Variants in BOD1L1 observed in about 807,000 individuals in gnomAD.
BOD1L1 encodes the protein biorientation of chromosomes in cell division 1 like 1, also known as biorientation of chromosomes in cell division protein 1-like 1.
Under a neutral mutation model 240.7 loss-of-function variants are expected in BOD1L1, and 86 were observed. That is an observed-to-expected ratio of 0.36 (90% confidence interval 0.30 to 0.43). The LOEUF (loss-of-function observed/expected upper bound fraction) is 0.43. Ranked by LOEUF, BOD1L1 falls within the 20% of genes least tolerant of loss-of-function variation. The pLI is 1.00. For synonymous variants in BOD1L1, 1,268 were observed against 1,272.3 expected, an observed-to-expected ratio of 1.00 and a Z score of 0.07; for missense variants, 3,554 against 3,643.5, an observed-to-expected ratio of 0.98 and a Z score of 0.63.
chr4:13,621,028 C>T (rs1310017870), intron 1 of BOD1L1, among the ~76,000 whole-genome samples: 1 of 152,160 alleles, frequency 6.6e-6, no homozygotes, highest in African/African-American at 2.4e-5. Context: ...TCCTACAATG[C>T]ATAGGACAAT....
intron 25 of BOD1L1, among the ~76,000 whole-genome samples, chr4:13,576,291 G>C (rs1712731540): frequency 2.0e-5 from 3 of 152,098 alleles, no homozygotes; most frequent in Admixed American, 2.0e-4. Flanking sequence ...TCTGACCGTG[G>C]TACTCTTTTT....
chr4:13,612,963 T>C (rs1170045151), intron 5 of BOD1L1, among the ~76,000 whole-genome samples: 3 of 152,164 alleles, frequency 2.0e-5, no homozygotes, highest in Admixed American at 2.0e-4. Flanking sequence ...GAGGAAGTAA[T>C]TCAAGGGGGA....
At chr4:13,612,279 T>C (rs928150651) in intron 5 of BOD1L1, among the ~76,000 whole-genome samples, 38 of 152,374 alleles carry the variant, frequency 2.5e-4, no homozygotes, top group African/African-American at 8.7e-4. Context: ...ATCCGAAAGC[T>C]GGCAACAAAT....
rs759106424 is a variant in BOD1L1 at position 13,582,674 on chromosome 4, G to T, written c.8496C>A (p.Thr2832=). 1.9e-6 allele frequency: 3 copies of T among 1,612,280 alleles called. No homozygotes were observed. The highest frequency in any genetic ancestry group is 3.3e-5 in the Admixed American group (2 of 59,974). Residue 2832 remains threonine, a synonymous_variant, in exon 18 of 26, where the codon ACC becomes ACA. Coordinates refer to ENST00000040738, the MANE Select transcript of BOD1L1 (RefSeq NM_148894.3). ...CACCTTTTTCTTCCATGACCCTTGA[G>T]GTAGTGCTATTTGTCTCAGAACTGG... ...PKTSSETNST[T]SRVMEEKDEY...
intron 25 of BOD1L1, among the ~76,000 whole-genome samples, chr4:13,574,394 G>C (rs1184156035): frequency 6.6e-6 from 1 of 152,132 alleles, no homozygotes; most frequent in Non-Finnish European, 1.5e-5. Context: ...AAACTAGAGA[G>C]AAAACAACTC....
At chr4:13,573,458 A>T (rs1420907051) in intron 25 of BOD1L1, among the ~76,000 whole-genome samples, 2 of 120,460 alleles carry the variant, frequency 1.7e-5, no homozygotes, top group African/African-American at 5.5e-5. Flanking sequence ...CTATCTATCT[A>T]TCTATCTATC....
chr4:13,587,767 T>C lies in BOD1L1; in HGVS notation c.8285A>G (p.Glu2762Gly), dbSNP rs773913832. ...HSVEADPKEV[E>G]EEERHMPKRK... is the part of the protein sequence containing the mutation. ...TTTAGGCATATGCCTTTCTTCCTCT[T>C]CAACCTGGAATTAAGAATGACTATA... The change falls in exon 16 of 26, where the codon GAA becomes GGA. Residue 2762 changes from glutamate (E) to glycine (G), a missense_variant. Physicochemically the swap from Glu to Gly is moderately conservative, Grantham distance 98 (BLOSUM62 -2). Coordinates refer to ENST00000040738, the MANE Select transcript of BOD1L1 (RefSeq NM_148894.3). The C allele has an allele frequency of 1.3e-6, 2 of 1,552,384 alleles. No individual in the cohort carries two copies. Among genetic ancestry groups the C allele is most frequent in the South Asian group, 1.2e-5 (1 of 84,354 alleles).
Position 13,591,957 on chromosome 4 carries a change from T to C in BOD1L1, c.8114A>G (p.Gln2705Arg). 5 of 1,559,776 alleles carry C rather than the reference T, an allele frequency of 3.2e-6. No homozygotes were observed. The highest frequency in any genetic ancestry group is 4.3e-6 in the Non-Finnish European group (5 of 1,151,372). The change falls in exon 13 of 26, where the codon CAG (glutamine) becomes CGG (arginine). Residue 2705 changes from glutamine (Q) to arginine (R), a missense_variant. Gln to Arg is a conservative substitution (Grantham distance 43, BLOSUM62 1). Coordinates refer to ENST00000040738, the MANE Select transcript of BOD1L1 (RefSeq NM_148894.3). The stretch of plus-strand genomic sequence containing the variant: ...TTCATTCACCAACAAAGGCTCCCTC[T>C]GGAGTTCAGCTGTTCAAAAATAAAA... ...GGKPSGIAELQREPLLVNESL... is the reference protein window; with the variant it reads ...GGKPSGIAELRREPLLVNESL...
chr4:13,585,591 A>G (rs1055943471), intron 17 of BOD1L1, among the ~76,000 whole-genome samples: 7 of 152,162 alleles, frequency 4.6e-5, no homozygotes, highest in Admixed American at 6.5e-5. Flanking sequence ...ATAGGAAAAA[A>G]GGCAATGGGT....
At position 13,595,922 on chromosome 4, in the gene BOD1L1, T is replaced by C. The variant is rs748549642; in HGVS notation, c.8042A>G (p.Glu2681Gly). Reference sequence around the variant, plus strand: ...TGGTGCCAGAATTTCACCATTTTTCTCTTCCTCTGAAGGCACATAAGCCTA... The same window carrying C: ...TGGTGCCAGAATTTCACCATTTTTCCCTTCCTCTGAAGGCACATAAGCCTA... ...KMEAYVPSEE[E>G]KNGEILAPPE... The change falls in exon 12 of 26, where the codon GAG becomes GGG. Residue 2681 changes from glutamate (E) to glycine (G), a missense_variant. Glu to Gly is a moderately conservative substitution (Grantham distance 98, BLOSUM62 -2). Transcript: ENST00000040738. The C allele has an allele frequency of 5.0e-6, 8 of 1,613,706 alleles. No homozygotes were observed. The highest frequency in any genetic ancestry group is 6.8e-6 in the Non-Finnish European group (8 of 1,179,846).
Position 13,602,203 on chromosome 4 carries a change from C to T in BOD1L1, c.4697G>A (p.Gly1566Glu), listed in dbSNP as rs142789702. ...AAGAGGATTATTTCTGGAATGTGTT[C>T]CTATTATGAGGCCTTCATCTGCCTC... is the stretch of plus-strand genomic sequence containing the variant. ...SIEADEGLII[G>E]THSRNNPLHV... Residue 1566 changes from glycine to glutamate, a missense_variant, in exon 10 of 26, where the codon GGA (glycine) becomes GAA (glutamate). By Grantham distance (98) the Gly-to-Glu change is moderately conservative. Around this residue, in one of 2 missense-constraint regions of BOD1L1, gnomAD observed 3,393 missense variants for 3,427.1 expected, o/e 0.99. Coordinates refer to ENST00000040738, the MANE Select transcript of BOD1L1 (RefSeq NM_148894.3). 873 of 1,613,644 alleles carry T rather than the reference C, an allele frequency of 5.4e-4. 7 individuals are homozygous for T. The Middle Eastern group carries it at 0.021, about 39-fold the overall frequency.
Position 13,608,551 on chromosome 4 carries a change from T to C in BOD1L1, c.1721A>G (p.Lys574Arg), listed in dbSNP as rs1241279669. 5 of 1,539,924 alleles carry C rather than the reference T, an allele frequency of 3.2e-6. No homozygotes were observed. The highest frequency in any genetic ancestry group is 4.5e-5 in the Admixed American group (2 of 44,544). ...GTACCTTGAATCTTTTTTTCTCTTT[T>C]TGCTTAAGGCTACTTTTTTTTCTAA... ...KVLEKKVALSKKRKKDSRNVE... is the reference protein window; with the variant it reads ...KVLEKKVALSRKRKKDSRNVE... The change falls in exon 8 of 26, where the codon AAA becomes AGA. Residue 574 changes from lysine to arginine, a missense_variant. By Grantham distance (26) the Lys-to-Arg change is conservative. This residue lies in a region of BOD1L1 where 3,393 missense variants were observed against 3,427.1 expected (regional missense o/e 0.99). Coordinates refer to ENST00000040738, the MANE Select transcript of BOD1L1 (RefSeq NM_148894.3).
Position 13,604,750 on chromosome 4 carries a change from A to C in BOD1L1, c.2150T>G (p.Leu717Arg). The change falls in exon 10 of 26, where the codon CTT (leucine) becomes CGT (arginine). Residue 717 changes from leucine to arginine, a missense_variant. Leu to Arg is a moderately radical substitution (Grantham distance 102). Around this residue, in one of 2 missense-constraint regions of BOD1L1, gnomAD observed 3,393 missense variants for 3,427.1 expected, o/e 0.99. Coordinates refer to ENST00000040738, the MANE Select transcript of BOD1L1 (RefSeq NM_148894.3). Reference sequence around the variant, plus strand: ...CTTGGAGGATTTCACCTCTTTCTTAAGTAGGCTTTTCAAATGTGGTGTTTC... The same window carrying C: ...CTTGGAGGATTTCACCTCTTTCTTACGTAGGCTTTTCAAATGTGGTGTTTC... ...DSETPHLKSL[L>R]KKEVKSSKEK... 1 of 1,612,914 alleles carries C rather than the reference A, an allele frequency of 6.2e-7. No individual in the cohort carries two copies.
Position 13,615,406 on chromosome 4 carries a change from C to T in BOD1L1, c.465G>A (p.Val155=), listed in dbSNP as rs564893047. 10 of 1,613,844 alleles carry T rather than the reference C, an allele frequency of 6.2e-6. No individual in the cohort carries two copies. The African/African-American group carries it at 1.2e-4, about 19-fold the overall frequency. The part of the protein sequence containing the change: ...HTFRPQVEKA[V]HEFLATLNHK... ...GATTTAGCGTGGCCAAAAACTCATG[C>T]ACAGCTTTCTCTACCTGAGGTCTGA... The change falls in exon 3 of 26, where the codon GTG becomes GTA. Residue 155 remains valine, a synonymous_variant. Transcript: ENST00000040738.
At position 13,581,218 on chromosome 4, in the gene BOD1L1, A is replaced by G; in HGVS notation, c.8593-11T>C. 1 of 1,526,298 alleles carries G rather than the reference A, an allele frequency of 6.6e-7. No individual in the cohort carries two copies. Among genetic ancestry groups the G allele is most frequent in the Non-Finnish European group, 8.8e-7 (1 of 1,135,902 alleles). 94.5% of individuals were successfully genotyped at this position (1,526,298 alleles called of 1,614,324 possible). A position where few individuals can be genotyped will look rare whatever the true frequency, so the allele number is the denominator to read the frequency against. On this transcript the variant is annotated splice_polypyrimidine_tract_variant and intron_variant, in intron 19 of 25. Transcript: ENST00000040738. Reference sequence around the variant, plus strand: ...TATTGGCTGATCTTCCTAAGGGGGAAATAAAAAACAACAACAGCAATAAGA... The same window carrying G: ...TATTGGCTGATCTTCCTAAGGGGGAGATAAAAAACAACAACAGCAATAAGA...
intron 17 of BOD1L1, among the ~76,000 whole-genome samples, chr4:13,584,234 G>A (rs1300177698): frequency 6.6e-6 from 1 of 152,146 alleles, no homozygotes; most frequent in African/African-American, 2.4e-5. Context: ...CAACTCGTTT[G>A]GGAAAGCCAA....
At chr4:13,626,662 T>C (rs1414443097) in intron 1 of BOD1L1, among the ~76,000 whole-genome samples, 1 of 152,170 alleles carries the variant, frequency 6.6e-6, no homozygotes, top group East Asian at 1.9e-4. Context: ...TTCTCTACAT[T>C]ACTCTCCTGA....
Position 13,615,333 on chromosome 4 carries a change from C to T in BOD1L1, c.538G>A (p.Asp180Asn), listed in dbSNP as rs531595335. ...GNTAPDDEKP[D>N]TSLITQGVPT... ...GCACCTTGTGTAATAAGGGAAGTGT[C>T]TGGTTTCTCATCATCGGGAGCTGTG... is the stretch of plus-strand genomic sequence containing the variant. Residue 180 changes from aspartate (D) to asparagine (N), a missense_variant, in exon 3 of 26, where the codon GAC becomes AAC. Physicochemically the swap from Asp to Asn is conservative, Grantham distance 23 (BLOSUM62 1). Coordinates refer to ENST00000040738, the MANE Select transcript of BOD1L1 (RefSeq NM_148894.3). 28 of 1,611,938 alleles carry T rather than the reference C, an allele frequency of 1.7e-5. No individual in the cohort carries two copies. In the Admixed American group the frequency reaches 2.9e-4, roughly 16 times the overall value.
At chr4:13,590,969 T>C (rs1714156900) in intron 13 of BOD1L1, among the ~76,000 whole-genome samples, 1 of 152,122 alleles carries the variant, frequency 6.6e-6, no homozygotes, top group Admixed American at 6.5e-5. Context: ...CAGCTGCTGG[T>C]GGACTCAAGG....
Sources: gnomAD v4.1 joint callset for allele counts (sites outside exome capture counted in the v4.1 genomes callset) on GRCh38, gnomAD v4.1.1 for gene constraint, gnomAD v4.1.1 regional missense constraint, MANE v1.5 for transcripts, NCBI Gene and HGNC (gene_info 2026-07-23, HGNC 2026-07-21) for gene names.